ZZZ3: variants seen among roughly 807,000 people sequenced by gnomAD.
The protein encoded by ZZZ3 is zinc finger ZZ-type containing 3.
In ZZZ3, 22 loss-of-function variants were observed where a neutral mutation model predicts 95.2. The observed-to-expected ratio is 0.23, with a 90% CI of 0.17 to 0.33. The LOEUF (loss-of-function observed/expected upper bound fraction) is 0.33, where lower values mean the gene tolerates loss of function less well. ZZZ3 is among the 10% of genes least tolerant of loss of function. The pLI is 1.00. For synonymous variants in ZZZ3, 335 were observed against 358.9 expected (o/e 0.93, Z 0.75); for missense variants, 885 against 1,066.5 (o/e 0.83, Z 2.37).
At chr1:77,576,753 A>G (rs1661989163) in intron 11 of ZZZ3, among the ~76,000 whole-genome samples, 1 of 150,706 alleles carries the variant, frequency 6.6e-6, no homozygotes, top group South Asian at 2.1e-4. Flanking sequence ...AAATACACTC[A>G]CACTAAAAAA....
At chr1:77,565,807 A>C in intron 14 of ZZZ3, 23 bp from the exon 15 acceptor site, 1 of 1,601,752 alleles carries the variant, frequency 6.2e-7, no homozygotes, top group Non-Finnish European at 8.5e-7. Context: ...AAAGACACAC[A>C]TCATTACATG....
intron 1 of ZZZ3, among the ~76,000 whole-genome samples, chr1:77,653,091 G>A (rs950141163): frequency 2.0e-5 from 3 of 152,132 alleles, no homozygotes; most frequent in Admixed American, 6.5e-5. Context: ...GAAGATTGAG[G>A]CAAGAGGACT....
At chr1:77,602,090 C>T (rs1314158537) in intron 5 of ZZZ3, among the ~76,000 whole-genome samples, 1 of 152,154 alleles carries the variant, frequency 6.6e-6, no homozygotes, top group Non-Finnish European at 1.5e-5. Context: ...TACAGGGCAC[C>T]TGAGAGGCTC....
intron 4 of ZZZ3, among the ~76,000 whole-genome samples, chr1:77,638,763 C>T (rs558685340): frequency 1.1e-4 from 16 of 152,254 alleles, no homozygotes; most frequent in African/African-American, 2.6e-4. Flanking sequence ...GCAAATGCAA[C>T]TGGAAAGTGT....
At chr1:77,634,609 CT>C (rs564285326) in intron 4 of ZZZ3, among the ~76,000 whole-genome samples, 44 of 152,270 alleles carry the variant, frequency 2.9e-4, no homozygotes, top group Admixed American at 9.2e-4. Context: ...TAATCCCACC[CT>C]TTCCTTCTTT....
At chr1:77,636,893 C>T (rs1436801275) in intron 4 of ZZZ3, among the ~76,000 whole-genome samples, 6 of 152,090 alleles carry the variant, frequency 3.9e-5, no homozygotes, top group Non-Finnish European at 2.9e-5. Context: ...TTATTTCACT[C>T]AATAACTAGA....
intron 1 of ZZZ3, among the ~76,000 whole-genome samples, chr1:77,651,764 T>A (rs1486724361): frequency 6.6e-6 from 1 of 152,184 alleles, no homozygotes; most frequent in Non-Finnish European, 1.5e-5. Context: ...AGGCCTATAA[T>A]TCCAGCACTT....
At chr1:77,658,005 T>G (rs1670428419) in intron 1 of ZZZ3, among the ~76,000 whole-genome samples, 1 of 151,688 alleles carries the variant, frequency 6.6e-6, no homozygotes, top group South Asian at 2.1e-4. Context: ...ATGGCAAAAC[T>G]CTGTCTCTAC....
intron 5 of ZZZ3, among the ~76,000 whole-genome samples, chr1:77,621,247 C>A (rs1318623391): frequency 6.6e-6 from 1 of 151,982 alleles, no homozygotes; most frequent in African/African-American, 2.4e-5. Flanking sequence ...AATCCCAAGA[C>A]TTTGGGAGGA....
At chr1:77,591,740 T>C (rs539533432) in intron 5 of ZZZ3, among the ~76,000 whole-genome samples, 1 of 152,312 alleles carries the variant, frequency 6.6e-6, no homozygotes, top group African/African-American at 2.4e-5. Context: ...ATAATATGTC[T>C]TCCAGGTATA....
At chr1:77,638,866 T>C (rs1668522472) in intron 4 of ZZZ3, among the ~76,000 whole-genome samples, 1 of 152,166 alleles carries the variant, frequency 6.6e-6, no homozygotes, top group South Asian at 2.1e-4. Context: ...AGACAATACC[T>C]CAGCAGTGCA....
intron 5 of ZZZ3, among the ~76,000 whole-genome samples, chr1:77,607,814 G>C (rs1665397696): frequency 2.0e-5 from 3 of 151,840 alleles, no homozygotes; most frequent in Non-Finnish European, 4.4e-5. Flanking sequence ...CCCAGCTGTG[G>C]GAGGCTGACG....
At chr1:77,638,029 C>T (rs1668450226) in intron 4 of ZZZ3, among the ~76,000 whole-genome samples, 1 of 152,174 alleles carries the variant, frequency 6.6e-6, no homozygotes, top group African/African-American at 2.4e-5. Flanking sequence ...CGCAATCTAA[C>T]TAACAACTAC....
At position 77,641,562 on chromosome 1, in the gene ZZZ3, T is replaced by C. The variant is rs777452559; in HGVS notation, c.-309A>G. 155 of 398,162 alleles carry C rather than the reference T, an allele frequency of 3.9e-4. No homozygotes were observed. The highest frequency in any genetic ancestry group is 6.2e-4 in the Middle Eastern group (1 of 1,608). 24.7% of individuals were successfully genotyped at this position (398,162 alleles called of 1,614,324 possible). A position where few individuals can be genotyped will look rare whatever the true frequency, so the allele number is the denominator to read the frequency against. On this transcript the variant is annotated 5_prime_UTR_variant, in exon 2 of 15. Coordinates refer to ENST00000370801, the MANE Select transcript of ZZZ3 (RefSeq NM_015534.6). The stretch of plus-strand genomic sequence containing the variant: ...TTGCCTAGTATTTGATCCCCATGCG[T>C]CTGTATTTATCTGTCATCACTGTTA...
intron 5 of ZZZ3, among the ~76,000 whole-genome samples, chr1:77,617,876 C>T (rs1050013231): frequency 4.6e-5 from 7 of 151,896 alleles, no homozygotes; most frequent in East Asian, 1.9e-4. Context: ...ACCCAGAAGG[C>T]GGAGGTTGCA....
chr1:77,675,671 T>C (rs1363084749), intron 1 of ZZZ3, among the ~76,000 whole-genome samples: 1 of 152,200 alleles, frequency 6.6e-6, no homozygotes, highest in African/African-American at 2.4e-5. Context: ...CTTACTAGCA[T>C]TATTGTAACC....
chr1:77,575,951 A>T, intron 12 of ZZZ3, 117 bp downstream of exon 12: 1 of 801,210 alleles, frequency 1.2e-6, no homozygotes, highest in Non-Finnish European at 1.8e-6. Context: ...CTTAAAAACT[A>T]TACATTTGAC....
intron 5 of ZZZ3, among the ~76,000 whole-genome samples, chr1:77,604,980 T>G (rs1428175592): frequency 6.6e-6 from 1 of 152,044 alleles, no homozygotes; most frequent in Admixed American, 6.6e-5. Context: ...CAGAGCAAGA[T>G]AGCCGAGTAT....
chr1:77,584,505 T>C lies in ZZZ3; in HGVS notation c.1644+12A>G. ...AGATCTTAGTAAATCTTAAAAACAG[T>C]TCAATGTATACCTTCTTCTGGAGTT... On this transcript the variant is annotated intron_variant, in intron 6 of 14. Transcript: ENST00000370801. 6.3e-7 allele frequency: 1 copy of C among 1,596,722 alleles called. No individual in the cohort carries two copies. The highest frequency in any genetic ancestry group is 1.7e-4 in the Middle Eastern group (1 of 5,960).
Sources: allele counts gnomAD v4.1 joint callset (sites outside exome capture counted in the v4.1 genomes callset), GRCh38; gene constraint gnomAD v4.1.1; transcripts MANE v1.5; gene names NCBI Gene and HGNC (gene_info 2026-07-23, HGNC 2026-07-21).